Variants in EXTL1 observed in about 807,000 individuals in gnomAD.
EXTL1 encodes exostosin like glycosyltransferase 1, also known as exostosin-like 1.
Under a neutral mutation model 64.6 loss-of-function variants are expected in EXTL1, and 43 were observed. The observed-to-expected ratio is 0.67, with a 90% CI of 0.52 to 0.86. The LOEUF is 0.86. EXTL1 is among the 40% of genes least tolerant of loss of function. EXTL1 has a pLI of 0.00. For synonymous variants in EXTL1, 352 were observed against 360.5 expected (o/e 0.98, Z 0.27); for missense variants, 766 against 879.0 (o/e 0.87, Z 1.62).
chr1:26,032,313 C>A, intron 6 of EXTL1, 83 bp from the exon 7 acceptor site: 1 of 886,408 alleles, frequency 1.1e-6, no homozygotes, highest in Non-Finnish European at 1.8e-6. Flanking sequence ...ACTTCTTCCA[C>A]CTTGAGAAAG....
At chr1:26,029,511 A>C in intron 2 of EXTL1, 89 bp from the exon 3 acceptor site, 1 of 809,396 alleles carries the variant, frequency 1.2e-6, no homozygotes, top group Non-Finnish European at 2.1e-6. Flanking sequence ...CCTTGCCCCC[A>C]ACAGCAGCAG....
Position 26,029,611 on chromosome 1 carries a change from C to G in EXTL1, c.885C>G (p.Ile295Met). 1.9e-6 allele frequency: 3 copies of G among 1,607,322 alleles called. No homozygotes were observed. The highest frequency in any genetic ancestry group is 2.5e-6 in the Non-Finnish European group (3 of 1,177,194). The change falls in exon 3 of 11, where the codon ATC (isoleucine) becomes ATG (methionine). Residue 295 changes from isoleucine to methionine, a missense_variant. Ile to Met is a conservative substitution (Grantham distance 10, BLOSUM62 1). This residue lies in a region of EXTL1 where 571 missense variants were observed against 647.6 expected (regional missense o/e 0.88). Transcript: ENST00000374280. ...RFLQALQAGC[I>M]PVLLSPRWEL... is the part of the protein sequence containing the mutation. ...TCCCCGCCCCCCAGGCCGGCTGCAT[C>G]CCAGTGCTTCTCAGCCCCCGCTGGG...
In EXTL1 at chr1:26,031,129, T is replaced by C. The variant is rs1362835386; in HGVS notation, c.1102-3T>C. On this transcript the variant is annotated splice_region_variant and splice_polypyrimidine_tract_variant and intron_variant, in intron 4 of 10. Coordinates refer to ENST00000374280, the MANE Select transcript of EXTL1 (RefSeq NM_004455.3). ...GCTCTGCTCAGCTTCTCTCTCATTTTAGGTTATTCAGGACCGGATTTTTGG... is the reference window on the plus strand; with the variant it reads ...GCTCTGCTCAGCTTCTCTCTCATTTCAGGTTATTCAGGACCGGATTTTTGG... 1 of 1,614,068 alleles carries C rather than the reference T, an allele frequency of 6.2e-7. No homozygotes were observed. Among genetic ancestry groups the C allele is most frequent in the Non-Finnish European group, 8.5e-7 (1 of 1,179,976 alleles).
chr1:26,035,446 A>C lies in EXTL1; in HGVS notation c.*99A>C. 8.7e-7 allele frequency: 1 copy of C among 1,147,738 alleles called. No individual in the cohort carries two copies. The highest frequency in any genetic ancestry group is 1.7e-5 in the South Asian group (1 of 59,706). 71.1% of individuals were successfully genotyped at this position (1,147,738 alleles called of 1,614,324 possible). On this transcript the variant is annotated 3_prime_UTR_variant, in exon 11 of 11. Coordinates refer to ENST00000374280, the MANE Select transcript of EXTL1 (RefSeq NM_004455.3). This position sits in a 1 kb window ranked among gnomAD's most constrained non-coding sequence, Gnocchi z 5.3. ...CCGCTCTTGGGACACCGGAGAACCTATCATGTCAGCCAGCGGGCCCACACG... is the reference window on the plus strand; with the variant it reads ...CCGCTCTTGGGACACCGGAGAACCTCTCATGTCAGCCAGCGGGCCCACACG...
In EXTL1 at chr1:26,029,699, C is replaced by G. The variant is rs201352578; in HGVS notation, c.973C>G (p.Pro325Ala). 26 of 1,607,936 alleles carry G rather than the reference C, an allele frequency of 1.6e-5. No individual in the cohort carries two copies. In the African/African-American group the frequency reaches 3.1e-4, roughly 19 times the overall value. Residue 325 changes from proline (P) to alanine (A), a missense_variant, in exon 3 of 11, where the codon CCA (proline) becomes GCA (alanine). By Grantham distance (27) the Pro-to-Ala change is conservative. This residue lies in a region of EXTL1 where 571 missense variants were observed against 647.6 expected (regional missense o/e 0.88). Transcript: ENST00000374280. ...AGCCATCGTAGCTGATGAGAGGCTC[C>G]CACTTCAGGTAGCTCAGAGCCCTGC... ...KAAIVADERL[P>A]LQVLAALQEM...
chr1:26,023,846 A>G (rs1405028881), intron 1 of EXTL1, among the ~76,000 whole-genome samples: 1 of 152,078 alleles, frequency 6.6e-6, no homozygotes, highest in Non-Finnish European at 1.5e-5. Context: ...AGGTTAAGTA[A>G]TTTTTCTCAG....
In EXTL1 at chr1:26,034,814, CCT is replaced by C. The variant is rs2050321989; in HGVS notation, c.1680-21_1680-20del. ...GGGATGGATTTGGCTGCAGCCTCTCCCTGTCTTTTCCTCTTGCCCAGGTATTA... is the reference window on the plus strand; with the variant it reads ...GGGATGGATTTGGCTGCAGCCTCTCCGTCTTTTCCTCTTGCCCAGGTATTA... On this transcript the variant is annotated intron_variant, in intron 9 of 10. Transcript: ENST00000374280. This position sits in a 1 kb window ranked among gnomAD's most constrained non-coding sequence, Gnocchi z 4.6. 6.2e-7 allele frequency: 1 copy of C among 1,607,186 alleles called. No homozygotes were observed. The highest frequency in any genetic ancestry group is 8.5e-7 in the Non-Finnish European group (1 of 1,174,702).
At chr1:26,032,610 G>A (rs1479899017) in intron 7 of EXTL1, 125 bp downstream of exon 7, 3 of 654,754 alleles carry the variant, frequency 4.6e-6, no homozygotes, top group East Asian at 5.5e-5. Context: ...GACACAGTAG[G>A]TTTCAGCCAC....
chr1:26,030,567 T>A lies in EXTL1; in HGVS notation c.1073T>A (p.Val358Glu). The change falls in exon 4 of 11, where the codon GTG becomes GAG. Residue 358 changes from valine to glutamate, a missense_variant. Physicochemically the swap from Val to Glu is moderately radical, Grantham distance 121. This residue lies in a region of EXTL1 where 571 missense variants were observed against 647.6 expected (regional missense o/e 0.88). Coordinates refer to ENST00000374280, the MANE Select transcript of EXTL1 (RefSeq NM_004455.3). The part of the protein sequence containing the change: ...QFLWDAYFSS[V>E]EKVIHTTLEV... ...CTATGGGATGCCTACTTCTCCTCAG[T>A]GGAGAAGGTCATCCATACCACTCTG... The A allele has an allele frequency of 6.2e-7, 1 of 1,613,188 alleles. No individual in the cohort carries two copies. Among genetic ancestry groups the A allele is most frequent in the African/African-American group, 1.3e-5 (1 of 75,006 alleles).
In EXTL1 at chr1:26,034,819, C is replaced by A. The variant is rs2050322031; in HGVS notation, c.1680-17C>A. 1 of 1,609,296 alleles carries A rather than the reference C, an allele frequency of 6.2e-7. No individual in the cohort carries two copies. ...GGATTTGGCTGCAGCCTCTCCCTGT[C>A]TTTTCCTCTTGCCCAGGTATTACCA... On this transcript the variant is annotated splice_polypyrimidine_tract_variant and intron_variant, in intron 9 of 10. Transcript: ENST00000374280. This position sits in a 1 kb window ranked among gnomAD's most constrained non-coding sequence, Gnocchi z 4.6.
intron 4 of EXTL1, 116 bp from the exon 5 acceptor site, chr1:26,031,016 G>C: frequency 7.6e-7 from 1 of 1,319,774 alleles, no homozygotes; most frequent in Non-Finnish European, 1.1e-6. Context: ...TCTAGACTCA[G>C]CTTCTGACCC....
intron 3 of EXTL1, 47 bp downstream of exon 3, chr1:26,029,754 G>A: frequency 7.9e-7 from 1 of 1,265,784 alleles, no homozygotes; most frequent in South Asian, 1.2e-5. Flanking sequence ...CCCAGGACAG[G>A]GGAGGGACCT....
At chr1:26,031,383 G>C in intron 5 of EXTL1, 77 bp from the exon 6 acceptor site, 1 of 1,391,842 alleles carries the variant, frequency 7.2e-7, no homozygotes, top group Non-Finnish European at 9.8e-7. Flanking sequence ...CCTGGCCCCC[G>C]GGGATTCCCT....
intron 4 of EXTL1, 137 bp from the exon 5 acceptor site, chr1:26,030,995 G>A: frequency 4.0e-6 from 4 of 990,618 alleles, no homozygotes; most frequent in Non-Finnish European, 6.2e-6. Flanking sequence ...ACATCATGGA[G>A]TGCCCCCTAC....
At position 26,035,411 on chromosome 1, in the gene EXTL1, C is replaced by T. The variant is rs990070361; in HGVS notation, c.*64C>T. 2 of 1,432,354 alleles carry T rather than the reference C, an allele frequency of 1.4e-6. No individual in the cohort carries two copies. Among genetic ancestry groups the T allele is most frequent in the African/African-American group, 1.4e-5 (1 of 69,912 alleles). 88.7% of individuals were successfully genotyped at this position (1,432,354 alleles called of 1,614,324 possible). On this transcript the variant is annotated 3_prime_UTR_variant, in exon 11 of 11. Coordinates refer to ENST00000374280, the MANE Select transcript of EXTL1 (RefSeq NM_004455.3). This position sits in a 1 kb window ranked among gnomAD's most constrained non-coding sequence, Gnocchi z 5.3. The stretch of plus-strand genomic sequence containing the variant: ...CAGCTCCCAGGGGGCCCGGCGCCTG[C>T]CGGCGGGCTCCGCTCTTGGGACACC...
chr1:26,033,085 G>A lies in EXTL1; in HGVS notation c.1432-144G>A. ...AGCTCTGCACAGGCTTGCCATATTT[G>A]AGGCCCAGGCGTCTACACTGTGCCT... On this transcript the variant is annotated intron_variant, in intron 7 of 10. Coordinates refer to ENST00000374280, the MANE Select transcript of EXTL1 (RefSeq NM_004455.3). This position sits in a 1 kb window ranked among gnomAD's most constrained non-coding sequence, Gnocchi z 5.1. 3.3e-6 allele frequency: 2 copies of A among 606,336 alleles called. No individual in the cohort carries two copies. Among genetic ancestry groups the A allele is most frequent in the Non-Finnish European group, 5.9e-6 (2 of 337,324 alleles). 37.6% of individuals were successfully genotyped at this position (606,336 alleles called of 1,614,324 possible). A position where few individuals can be genotyped will look rare whatever the true frequency, so the allele number is the denominator to read the frequency against.
rs142927629 is a variant in EXTL1 at position 26,029,770 on chromosome 1, C to T, written c.981+63C>T. ...CCAGGACAGGGGAGGGACCTAGAATCCTGGATCGAGGCTGGCCTCAGTCCT... is the reference window on the plus strand; with the variant it reads ...CCAGGACAGGGGAGGGACCTAGAATTCTGGATCGAGGCTGGCCTCAGTCCT... On this transcript the variant is annotated intron_variant, in intron 3 of 10. Coordinates refer to ENST00000374280, the MANE Select transcript of EXTL1 (RefSeq NM_004455.3). 2.7e-5 allele frequency: 30 copies of T among 1,106,230 alleles called. No homozygotes were observed. In the East Asian group the frequency reaches 7.2e-4, roughly 26 times the overall value. The allele number at this position is 1,106,230 out of a possible 1,614,324, so 68.5% of individuals were successfully genotyped here.
chr1:26,023,194 C>A lies in EXTL1; in HGVS notation c.548C>A (p.Ala183Asp). 1 of 1,613,548 alleles carries A rather than the reference C, an allele frequency of 6.2e-7. No individual in the cohort carries two copies. The highest frequency in any genetic ancestry group is 8.5e-7 in the Non-Finnish European group (1 of 1,179,762). ...CTGGGACAGGCTATGGTGGCTGAGG[C>A]CAGCCCCACGGTGGACTCCTTCCGG... Reference protein sequence around the residue: ...FQLGQAMVAEASPTVDSFRPG... With the variant: ...FQLGQAMVAEDSPTVDSFRPG... The change falls in exon 1 of 11, where the codon GCC (alanine) becomes GAC (aspartate). Residue 183 changes from alanine to aspartate, a missense_variant. Ala to Asp is a moderately radical substitution (Grantham distance 126). Around this residue, in one of 3 missense-constraint regions of EXTL1, gnomAD observed 571 missense variants for 647.6 expected, o/e 0.88. Transcript: ENST00000374280.
At chr1:26,028,999 G>A (rs976233408) in intron 1 of EXTL1, among the ~76,000 whole-genome samples, 194 bp from the exon 2 acceptor site, 1 of 152,196 alleles carries the variant, frequency 6.6e-6, no homozygotes, top group African/African-American at 2.4e-5. Flanking sequence ...AACCACAGAT[G>A]CGTGGCTGGT....
Sources: gnomAD v4.1 joint callset for allele counts (sites outside exome capture counted in the v4.1 genomes callset) on GRCh38, gnomAD v4.1.1 for gene constraint, gnomAD v4.1.1 regional missense constraint, Gnocchi (gnomAD v3.1) non-coding constraint, MANE v1.5 for transcripts, NCBI Gene and HGNC (gene_info 2026-07-23, HGNC 2026-07-21) for gene names.